CCZ1: variants seen among roughly 807,000 people sequenced by gnomAD.
The protein encoded by CCZ1 is CCZ1 vacuolar protein trafficking and biogenesis associated.
A neutral mutation model predicts 57.8 loss-of-function variants in CCZ1; 19 were observed. That is an observed-to-expected ratio of 0.33 (90% CI 0.23 to 0.48). CCZ1 has a LOEUF of 0.48. Among genes scored for constraint, CCZ1 ranks in the 20% least tolerant of loss-of-function variants. CCZ1 has a pLI of 0.99. For synonymous variants in CCZ1, 81 were observed against 167.0 expected (o/e 0.49, Z 3.97); for missense variants, 200 against 492.0 (o/e 0.41, Z 5.61).
At chr7:5,920,958 T>TTG (rs1280263546) in intron 12 of CCZ1, among the ~76,000 whole-genome samples, 3 of 109,760 alleles carry the variant, frequency 2.7e-5, no homozygotes, top group African/African-American at 1.1e-4. Flanking sequence ...TGGGTTTTTT[T>TTG]TTTTTTTTTT....
chr7:5,910,199 C>T (rs11771500), intron 8 of CCZ1, 83 bp downstream of exon 8: 257,205 of 1,035,662 alleles, frequency 0.25, 29,156 homozygotes, highest in Middle Eastern at 0.31. Context: ...TGCATGGGGG[C>T]GTTTCTGATC....
chr7:5,911,484 G>C (rs1310458966), intron 8 of CCZ1, among the ~76,000 whole-genome samples: 1 of 148,714 alleles, frequency 6.7e-6, no homozygotes, highest in Non-Finnish European at 1.5e-5. Context: ...TTGTAGAGAT[G>C]GGATCTCGTC....
chr7:5,899,347 G>A (rs1190414539), intron 1 of CCZ1, among the ~76,000 whole-genome samples: 2 of 120,094 alleles, frequency 1.7e-5, no homozygotes, highest in African/African-American at 5.9e-5. Context: ...GTGTGTGTGT[G>A]TGTGTGTGTG....
At chr7:5,921,246 T>G (rs1779236966) in intron 12 of CCZ1, among the ~76,000 whole-genome samples, 1 of 130,806 alleles carries the variant, frequency 7.6e-6, no homozygotes. Context: ...TATTTCTGCA[T>G]GGTCTTGTAT....
At chr7:5,914,895 G>A (rs193281817) in intron 10 of CCZ1, among the ~76,000 whole-genome samples, 4,915 of 127,946 alleles carry the variant, frequency 0.038, 159 homozygotes, top group Non-Finnish European at 0.06. Flanking sequence ...AAAAAAACAC[G>A]TTCAACATGA....
In CCZ1 at chr7:5,912,145, A is replaced by T. The variant is rs1583187903; in HGVS notation, c.842+223A>T. ...AATTCATTTTGTATTTTTAGTAGAA[A>T]CAGGGTTTCATCATGTTGGCCAGGC... On this transcript the variant is annotated intron_variant, in intron 9 of 14. Transcript: ENST00000325974. 3.6e-5 allele frequency among the ~76,000 whole-genome samples: 5 copies of T among 140,182 alleles called. 1 individual carries two copies. Among genetic ancestry groups the T allele is most frequent in the African/African-American group, 1.3e-4 (5 of 38,980 alleles). The allele number at this position is 140,182 out of a possible 152,430, so 92.0% of individuals were successfully genotyped here.
chr7:5,907,940 G>GAA (rs11325816), intron 7 of CCZ1, among the ~76,000 whole-genome samples: 1 of 137,224 alleles, frequency 7.3e-6, no homozygotes, highest in Non-Finnish European at 1.5e-5. Flanking sequence ...ACAAAAAATG[G>GAA]AAAAAAAAAA....
In CCZ1 at chr7:5,926,026, G is replaced by A. The variant is rs1393242474; in HGVS notation, c.*339G>A. ...CTGCTGCCTATTTATAGATTACACT[G>A]GCCACCAGCTCCGTGACCCAGGCTG... On this transcript the variant is annotated 3_prime_UTR_variant, in exon 15 of 15. Transcript: ENST00000325974. 2.3e-6 allele frequency: 1 copy of A among 431,358 alleles called. No individual in the cohort carries two copies. The highest frequency in any genetic ancestry group is 2.0e-5 in the African/African-American group (1 of 49,442). 26.7% of individuals were successfully genotyped at this position (431,358 alleles called of 1,614,324 possible). A position where few individuals can be genotyped will look rare whatever the true frequency, so the allele number is the denominator to read the frequency against.
intron 6 of CCZ1, among the ~76,000 whole-genome samples, chr7:5,904,304 T>G (rs1781753245): frequency 1.4e-5 from 2 of 141,906 alleles, no homozygotes; most frequent in Non-Finnish European, 3.0e-5. Flanking sequence ...GAGGCTGGTC[T>G]CAAACTCCTG....
chr7:5,899,338 T>TGTGG (rs1320404121), intron 1 of CCZ1, among the ~76,000 whole-genome samples: 83 of 1,680 alleles, frequency 0.049, no homozygotes, highest in African/African-American at 0.12. Flanking sequence ...GAGGGGGGTG[T>TGTGG]GTGTGTGTGT....
At chr7:5,906,319 CTTTCTTTTT>C (rs1781820785) in intron 7 of CCZ1, among the ~76,000 whole-genome samples, 1 of 111,460 alleles carries the variant, frequency 9.0e-6, no homozygotes, top group Non-Finnish European at 1.7e-5. Context: ...CACTTTCTTT[CTTTCTTTTT>C]TTTTTTTTTT....
At chr7:5,914,503 C>A (rs1779109844) in intron 10 of CCZ1, among the ~76,000 whole-genome samples, 1 of 148,868 alleles carries the variant, frequency 6.7e-6, no homozygotes, top group Non-Finnish European at 1.5e-5. Context: ...GGAAGAGAGA[C>A]TTTCAAAGTT....
In CCZ1 at chr7:5,918,917, G is replaced by GT. The variant is rs778701450; in HGVS notation, c.988+18dup. ...TGATCGACGGTGGGTACGCGCCTTTGTCTGATTTCAGCCTAAGCTTTTTGT... is the reference window on the plus strand; with the variant it reads ...TGATCGACGGTGGGTACGCGCCTTTGTTCTGATTTCAGCCTAAGCTTTTTGT... On this transcript the variant is annotated intron_variant, in intron 11 of 14. Coordinates refer to ENST00000325974, the MANE Select transcript of CCZ1 (RefSeq NM_015622.6). 5.0e-6 allele frequency: 4 copies of GT among 804,676 alleles called. 1 individual carries two copies. The highest frequency in any genetic ancestry group is 8.0e-6 in the Non-Finnish European group (4 of 501,624). 49.8% of individuals were successfully genotyped at this position (804,676 alleles called of 1,614,324 possible).
At position 5,903,781 on chromosome 7, in the gene CCZ1, C is replaced by T. The variant is rs952732552; in HGVS notation, c.522+1037C>T. On this transcript the variant is annotated intron_variant, in intron 6 of 14. Coordinates refer to ENST00000325974, the MANE Select transcript of CCZ1 (RefSeq NM_015622.6). Reference sequence around the variant, plus strand: ...GGCCGATGCGGGCAGATCTTGAGGTCATGAGTTCGAGACCAGCCTGGCCAA... The same window carrying T: ...GGCCGATGCGGGCAGATCTTGAGGTTATGAGTTCGAGACCAGCCTGGCCAA... Among the ~76,000 whole-genome samples, 9 of 147,356 alleles carry T rather than the reference C, an allele frequency of 6.1e-5. 1 individual carries two copies. Among genetic ancestry groups the T allele is most frequent in the African/African-American group, 1.8e-4 (7 of 38,988 alleles).
At chr7:5,911,308 C>T (rs1166984358) in intron 8 of CCZ1, among the ~76,000 whole-genome samples, 1 of 148,788 alleles carries the variant, frequency 6.7e-6, no homozygotes, top group Non-Finnish European at 1.5e-5. Context: ...TTCGCTTGTT[C>T]GTTCCCTCCC....
chr7:5,921,246 T>TG (rs1583192959), intron 12 of CCZ1, among the ~76,000 whole-genome samples: 1 of 130,908 alleles, frequency 7.6e-6, no homozygotes, highest in East Asian at 2.1e-4. Context: ...TATTTCTGCA[T>TG]GGTCTTGTAT....
chr7:5,901,618 C>G (rs1781687343), intron 4 of CCZ1, 39 bp from the exon 5 acceptor site: 8 of 1,575,260 alleles, frequency 5.1e-6, no homozygotes, highest in Non-Finnish European at 6.9e-6. Flanking sequence ...ATTGTTTTTC[C>G]CTTGAACTGA....
rs556948264 is a variant in CCZ1 at position 5,907,752 on chromosome 7, C to T, written c.699-2283C>T. Among the ~76,000 whole-genome samples the T allele has an allele frequency of 3.0e-5, 4 of 132,826 alleles. No individual in the cohort carries two copies. The South Asian group carries it at 1.1e-3, about 38-fold the overall frequency. 87.1% of individuals were successfully genotyped at this position (132,826 alleles called of 152,430 possible). A position where few individuals can be genotyped will look rare whatever the true frequency, so the allele number is the denominator to read the frequency against. On this transcript the variant is annotated intron_variant, in intron 7 of 14. Transcript: ENST00000325974. ...CTGCACAGAACTGTTCTGTTGTCAC[C>T]TCCAGTGTGCTCGTGGGGAAAGGTC...
At chr7:5,911,195 G>A (rs1456135036) in intron 8 of CCZ1, among the ~76,000 whole-genome samples, 6 of 148,918 alleles carry the variant, frequency 4.0e-5, no homozygotes, top group African/African-American at 9.9e-5. Flanking sequence ...TTAATTTCCC[G>A]GTTTCCTGCA....
Sources: gnomAD v4.1 joint callset for allele counts (sites outside exome capture counted in the v4.1 genomes callset) on GRCh38, gnomAD v4.1.1 for gene constraint, MANE v1.5 for transcripts, NCBI Gene and HGNC (gene_info 2026-07-23, HGNC 2026-07-21) for gene names.